ZNF438: variants seen among roughly 807,000 people sequenced by gnomAD.
ZNF438 encodes the protein zinc finger protein 438.
In ZNF438, 25 loss-of-function variants were observed where a neutral mutation model predicts 38.0. That is an observed-to-expected ratio of 0.66 (90% CI 0.48 to 0.92). ZNF438 has a LOEUF of 0.92. ZNF438 is among the 40% of genes least tolerant of loss of function. The pLI, the probability that ZNF438 is intolerant of heterozygous loss-of-function variation, is 0.00. For synonymous variants in ZNF438, 372 were observed against 364.1 expected (o/e 1.02, Z -0.25); for missense variants, 1,007 against 999.6 (o/e 1.01, Z -0.10).
At chr10:30,857,583 T>C in intron 4 of ZNF438, 1 of 1,010,924 alleles carries the variant, frequency 9.9e-7, no homozygotes. Context: ...TAAATTATAC[T>C]AACTTTCTGA....
intron 3 of ZNF438, among the ~76,000 whole-genome samples, chr10:30,898,435 G>C (rs1181188609): frequency 6.6e-6 from 1 of 152,066 alleles, no homozygotes; most frequent in Admixed American, 6.6e-5. Context: ...TTCTCACAGA[G>C]AAACATCAAA....
At chr10:30,875,477 C>T in intron 4 of ZNF438, 1 of 984,844 alleles carries the variant, frequency 1.0e-6, no homozygotes, top group Non-Finnish European at 1.2e-6. Context: ...ATACTTGTTC[C>T]ATTATTTTTT....
chr10:30,888,865 T>G (rs1182665331), intron 3 of ZNF438, among the ~76,000 whole-genome samples: 3 of 152,218 alleles, frequency 2.0e-5, no homozygotes, highest in Non-Finnish European at 4.4e-5. Context: ...AGTAAAATTA[T>G]TTATATTCCT....
At chr10:30,862,339 T>C (rs1345224921) in intron 4 of ZNF438, among the ~76,000 whole-genome samples, 1 of 152,180 alleles carries the variant, frequency 6.6e-6, no homozygotes, top group Non-Finnish European at 1.5e-5. Context: ...ACTCGCTCTA[T>C]CACCCAGGCT....
Position 30,862,852 on chromosome 10 carries a change from G to A in ZNF438, c.38-12485C>T, listed in dbSNP as rs143718899. On this transcript the variant is annotated intron_variant, in intron 4 of 5. Coordinates refer to ENST00000413025, the Ensembl canonical transcript of ZNF438. ...AAGATCACAATGTTTCAAAATGCAG[G>A]GAACCAAAATTACAAAGATATCGCT... 5.9e-5 allele frequency among the ~76,000 whole-genome samples: 9 copies of A among 152,150 alleles called. No homozygotes were observed. In the East Asian group the frequency reaches 1.7e-3, roughly 29 times the overall value.
chr10:31,020,031 ATAACC>A (rs1282865780), intron 1 of ZNF438, among the ~76,000 whole-genome samples: 4 of 152,344 alleles, frequency 2.6e-5, no homozygotes, highest in South Asian at 2.1e-4. Flanking sequence ...ACTACAAAAG[ATAACC>A]TAACCTAAGA....
chr10:30,849,076 G>A (rs756105254), exon 5 of ZNF438: 4 of 1,614,066 alleles, frequency 2.5e-6, no homozygotes, highest in African/African-American at 1.3e-5. Flanking sequence ...AAGTGGGTAT[G>A]ACCATGATAG....
intron 1 of ZNF438, among the ~76,000 whole-genome samples, chr10:31,016,432 A>C (rs1328909504): frequency 6.6e-6 from 1 of 152,250 alleles, no homozygotes; most frequent in Non-Finnish European, 1.5e-5. Context: ...TAACTAGGAT[A>C]TAAGCTAAAC....
At chr10:30,934,347 GA>G (rs1396960798) in intron 2 of ZNF438, among the ~76,000 whole-genome samples, 2 of 152,148 alleles carry the variant, frequency 1.3e-5, no homozygotes, top group Non-Finnish European at 2.9e-5. Context: ...GTCCCATGTA[GA>G]AAAGACTTAG....
intron 3 of ZNF438, among the ~76,000 whole-genome samples, chr10:30,889,598 G>A (rs1275418857): frequency 3.3e-5 from 5 of 152,170 alleles, no homozygotes; most frequent in African/African-American, 1.2e-4. Flanking sequence ...TAGAGATGGG[G>A]TTTCACCATG....
At position 30,961,110 on chromosome 10, in the gene ZNF438, T is replaced by C. The variant is rs1459330807; in HGVS notation, c.-191-19459A>G. Among the ~76,000 whole-genome samples the C allele has an allele frequency of 3.5e-5, 5 of 144,624 alleles. No individual in the cohort carries two copies. The Admixed American group carries it at 3.5e-4, about 10-fold the overall frequency. The allele number at this position is 144,624 out of a possible 152,430, so 94.9% of individuals were successfully genotyped here. On this transcript the variant is annotated intron_variant, in intron 1 of 5. Transcript: ENST00000413025. Reference sequence around the variant, plus strand: ...TAAAGAACAAAAGATATTAATCTTATCTTACCAGATTTATCTTACTTTATA... The same window carrying C: ...TAAAGAACAAAAGATATTAATCTTACCTTACCAGATTTATCTTACTTTATA...
At chr10:30,886,993 T>C (rs2040034430) in intron 3 of ZNF438, among the ~76,000 whole-genome samples, 1 of 152,216 alleles carries the variant, frequency 6.6e-6, no homozygotes, top group South Asian at 2.1e-4. Flanking sequence ...GGGAAGATAC[T>C]GCCCCTTCCA....
At chr10:30,849,282 G>C (rs1173072511) in exon 5 of ZNF438, 1 of 1,614,108 alleles carries the variant, frequency 6.2e-7, no homozygotes, top group East Asian at 2.2e-5. Flanking sequence ...CCACTGTTCA[G>C]TTTTGTTTTG....
intron 1 of ZNF438, among the ~76,000 whole-genome samples, chr10:30,970,827 G>A (rs939865228): frequency 9.9e-5 from 15 of 152,158 alleles, no homozygotes; most frequent in African/African-American, 3.6e-4. Context: ...ACAGGCATAG[G>A]CTTTTCAAAC....
At chr10:30,909,359 T>C (rs1021669694) in intron 2 of ZNF438, among the ~76,000 whole-genome samples, 3 of 152,172 alleles carry the variant, frequency 2.0e-5, no homozygotes, top group Non-Finnish European at 4.4e-5. Flanking sequence ...GCTTCTACTA[T>C]GGAATCATGG....
At position 30,930,746 on chromosome 10, in the gene ZNF438, G is replaced by A. The variant is rs562572866; in HGVS notation, c.-115+10829C>T. ...AGCTTGAATCCAGGAGGCAGAGGTC[G>A]TAGTAAGCCGAGATCATGCCACTGC... On this transcript the variant is annotated intron_variant, in intron 2 of 5. Transcript: ENST00000413025. 1.6e-4 allele frequency among the ~76,000 whole-genome samples: 21 copies of A among 134,744 alleles called. No homozygotes were observed. In the East Asian group the frequency reaches 3.0e-3, roughly 19 times the overall value. 88.4% of individuals were successfully genotyped at this position (134,744 alleles called of 152,430 possible). A position where few individuals can be genotyped will look rare whatever the true frequency, so the allele number is the denominator to read the frequency against.
chr10:30,947,015 T>A (rs114871274), intron 1 of ZNF438, among the ~76,000 whole-genome samples: 180 of 152,368 alleles, frequency 1.2e-3, no homozygotes, highest in African/African-American at 4.1e-3. Flanking sequence ...TATTTCCTCC[T>A]TCCTGTCTTT....
intron 3 of ZNF438, among the ~76,000 whole-genome samples, chr10:30,900,985 T>C (rs919470507): frequency 6.6e-6 from 1 of 152,156 alleles, no homozygotes; most frequent in Admixed American, 6.5e-5. Context: ...CAAAAGGCAG[T>C]TCACTATGAT....
intron 4 of ZNF438, among the ~76,000 whole-genome samples, chr10:30,874,110 GTGTGTATATATATATATATATATA>G (rs1564540836): frequency 0.02 from 639 of 31,638 alleles, 12 homozygotes; most frequent in African/African-American, 0.083. Flanking sequence ...GGGGGTGTGT[GTGTGTATATATATATATATATATA>G]TATATATATA....
Sources: allele counts gnomAD v4.1 joint callset (sites outside exome capture counted in the v4.1 genomes callset), GRCh38; gene constraint gnomAD v4.1.1; transcripts MANE v1.5; gene names NCBI Gene and HGNC (gene_info 2026-07-23, HGNC 2026-07-21).